Variants in NDE1 observed in about 807,000 individuals in gnomAD.
The protein encoded by NDE1 is nuclear distribution protein nudE homolog 1.
A neutral mutation model predicts 43.4 loss-of-function variants in NDE1; 28 were observed. That is an observed-to-expected ratio of 0.65 (90% confidence interval 0.48 to 0.89). The LOEUF (loss-of-function observed/expected upper bound fraction) is 0.89, where lower values mean the gene tolerates loss of function less well. Among genes scored for constraint, NDE1 ranks in the 40% least tolerant of loss-of-function variants. The probability of loss-of-function intolerance (pLI) is 0.00; values close to 1 mark genes in which losing one functional copy is unlikely to be tolerated. For missense variants in NDE1, 441 were observed against 434.1 expected (o/e 1.02, Z -0.14); for synonymous variants, 184 against 172.0 (o/e 1.07, Z -0.55).
At chr16:15,684,716 ATAAT>A (rs1385747867) in intron 4 of NDE1, 1 of 152,188 alleles carries the variant, frequency 6.6e-6, no homozygotes, top group Non-Finnish European at 1.5e-5. Flanking sequence ...TACGAATCTA[ATAAT>A]TTTTTCCTGG....
chr16:15,650,878 T>G (rs1460189257), intron 1 of NDE1, among the ~76,000 whole-genome samples: 1 of 152,138 alleles, frequency 6.6e-6, no homozygotes, highest in African/African-American at 2.4e-5. Flanking sequence ...AAACCCACCC[T>G]GCTCCCTCCC....
rs149701021 is a variant in NDE1 at position 15,704,037 on chromosome 16, G to A, written c.947+7177G>A. Reference sequence around the variant, plus strand: ...ATTGAAGTCTGCGTCTCGAGTGTCCGTTTCCTCCTCAGAACCATCTGCATT... The same window carrying A: ...ATTGAAGTCTGCGTCTCGAGTGTCCATTTCCTCCTCAGAACCATCTGCATT... On this transcript the variant is annotated intron_variant, in intron 8 of 8. Transcript: ENST00000396354. 29 of 1,613,974 alleles carry A rather than the reference G, an allele frequency of 1.8e-5. No homozygotes were observed. The highest frequency in any genetic ancestry group is 9.3e-5 in the African/African-American group (7 of 74,958).
intron 3 of NDE1, among the ~76,000 whole-genome samples, chr16:15,671,893 G>A (rs1377261410): frequency 6.6e-6 from 1 of 151,956 alleles, no homozygotes; most frequent in South Asian, 2.1e-4. Flanking sequence ...GGGTTCATGT[G>A]CCCATGCTAG....
At chr16:15,697,430 C>T (rs2039065050) in intron 8 of NDE1, among the ~76,000 whole-genome samples, 1 of 152,048 alleles carries the variant, frequency 6.6e-6, no homozygotes, top group African/African-American at 2.4e-5. Context: ...TTATTTGGGC[C>T]AGGTGTGGTG....
chr16:15,644,283 T>G (rs1196938239), intron 1 of NDE1, among the ~76,000 whole-genome samples: 2 of 152,202 alleles, frequency 1.3e-5, no homozygotes, highest in Non-Finnish European at 2.9e-5. Context: ...AAAAAAATCC[T>G]TACTGGGAGG....
chr16:15,691,735 G>A (rs1307552601), intron 6 of NDE1, among the ~76,000 whole-genome samples: 1 of 151,174 alleles, frequency 6.6e-6, no homozygotes, highest in African/African-American at 2.4e-5. Flanking sequence ...CTTCATCGTG[G>A]GCTCAAGTGA....
At chr16:15,720,780 T>G in intron 8 of NDE1, 2 of 1,521,462 alleles carry the variant, frequency 1.3e-6, no homozygotes, top group Non-Finnish European at 1.8e-6. Flanking sequence ...ATGAGAGTGG[T>G]GATAGGAATG....
intron 8 of NDE1, among the ~76,000 whole-genome samples, chr16:15,716,266 C>T (rs900512195): frequency 2.6e-5 from 4 of 152,032 alleles, no homozygotes; most frequent in African/African-American, 7.2e-5. Context: ...AAAATGTTCT[C>T]AAAATGACTG....
chr16:15,649,089 G>A (rs891755352), upstream of NDE1, among the ~76,000 whole-genome samples: 8 of 151,982 alleles, frequency 5.3e-5, no homozygotes, highest in Non-Finnish European at 8.8e-5. Context: ...CCAGCTACTC[G>A]GGAGGCTGAA....
intron 1 of NDE1, among the ~76,000 whole-genome samples, chr16:15,654,107 G>T (rs140508435): frequency 8.5e-5 from 13 of 152,246 alleles, no homozygotes; most frequent in Admixed American, 2.0e-4. Flanking sequence ...GTCCTAGTTT[G>T]TCATTGTTCC....
intron 1 of NDE1, chr16:15,644,015 G>C (rs1040259800): frequency 7.9e-5 from 12 of 151,582 alleles, no homozygotes; most frequent in African/African-American, 2.9e-4. Context: ...CAATCTTCAC[G>C]TTTCCCTGGA....
intron 8 of NDE1, among the ~76,000 whole-genome samples, chr16:15,698,535 T>C (rs2039109330): frequency 6.6e-6 from 1 of 151,980 alleles, no homozygotes; most frequent in Non-Finnish European, 1.5e-5. Flanking sequence ...TTCCATGGCA[T>C]GCACATAACT....
intron 4 of NDE1, among the ~76,000 whole-genome samples, chr16:15,679,494 TC>T (rs1413420221): frequency 1.3e-5 from 2 of 152,198 alleles, no homozygotes; most frequent in African/African-American, 2.4e-5. Context: ...GACGCCCTCT[TC>T]TCTCTCCAAT....
Position 15,719,247 on chromosome 16 carries a change from T to G in NDE1, c.948-4944T>G. On this transcript the variant is annotated intron_variant, in intron 8 of 8. Coordinates refer to ENST00000396354, the MANE Select transcript of NDE1 (RefSeq NM_017668.3). ...TCCCGACAGGCTACTGGCCAGCTCC[T>G]CTGCCAGTTCCTCCTTCTCGAGGTC... 1.9e-6 allele frequency: 3 copies of G among 1,613,666 alleles called. No homozygotes were observed. The South Asian group carries it at 3.3e-5, about 18-fold the overall frequency.
intron 8 of NDE1, among the ~76,000 whole-genome samples, chr16:15,707,508 G>A (rs1233068543): frequency 2.0e-5 from 3 of 152,190 alleles, no homozygotes; most frequent in African/African-American, 4.8e-5. Flanking sequence ...AGAGCTGCTT[G>A]AAGTGTCCTA....
At chr16:15,710,358 T>TA (rs2039710662) in intron 8 of NDE1, among the ~76,000 whole-genome samples, 1 of 151,980 alleles carries the variant, frequency 6.6e-6, no homozygotes. Context: ...TTGCCACTAC[T>TA]AAAAATACAA....
Position 15,696,772 on chromosome 16 carries a change from G to C in NDE1, c.859G>C (p.Gly287Arg), listed in dbSNP as rs1412205908. ...LVYDQSPNRTGGPASGRSSKN... is the reference protein window; with the variant it reads ...LVYDQSPNRTRGPASGRSSKN... ...GTACGATCAGTCCCCAAACCGAACA[G>C]GTGGCCCAGCCTCTGGGCGGAGCAG... Residue 287 changes from glycine to arginine, a missense_variant, in exon 8 of 9, where the codon GGT (glycine) becomes CGT (arginine). Coordinates refer to ENST00000396354, the MANE Select transcript of NDE1 (RefSeq NM_017668.3). 1 of 1,614,204 alleles carries C rather than the reference G, an allele frequency of 6.2e-7. No individual in the cohort carries two copies. Among genetic ancestry groups the C allele is most frequent in the South Asian group, 1.1e-5 (1 of 91,088 alleles).
chr16:15,667,518 A>G, intron 3 of NDE1, 79 bp downstream of exon 3: 1 of 1,551,576 alleles, frequency 6.4e-7, no homozygotes, highest in Non-Finnish European at 8.8e-7. Flanking sequence ...GGAAGAAGGA[A>G]CCCTGCAATG....
chr16:15,701,947 C>T (rs2039234840), intron 8 of NDE1: 1 of 152,042 alleles, frequency 6.6e-6, no homozygotes, highest in African/African-American at 2.4e-5. Context: ...GTCAAAGAGG[C>T]TTTGTATGTT....
Sources: gnomAD v4.1 joint callset for allele counts (sites outside exome capture counted in the v4.1 genomes callset) on GRCh38, gnomAD v4.1.1 for gene constraint, MANE v1.5 for transcripts, NCBI Gene and HGNC (gene_info 2026-07-23, HGNC 2026-07-21) for gene names.